Variants in NSD3 observed in about 807,000 individuals in gnomAD.
The protein encoded by NSD3 is histone-lysine N-methyltransferase NSD3.
A neutral mutation model predicts 160.8 loss-of-function variants in NSD3; 24 were observed. The ratio of observed to expected loss-of-function variants is 0.15; its 90% confidence interval spans 0.11 to 0.21. The LOEUF (loss-of-function observed/expected upper bound fraction) is 0.21, where lower values mean the gene tolerates loss of function less well. NSD3 is among the 10% of genes least tolerant of loss of function. NSD3 has a pLI of 1.00. For missense variants in NSD3, 1,157 were observed against 1,735.9 expected (o/e 0.67, Z 5.93); for synonymous variants, 520 against 600.0 (o/e 0.87, Z 1.95).
At chr8:38,342,096 TAC>T (rs1810385301) in intron 2 of NSD3, among the ~76,000 whole-genome samples, 1 of 152,204 alleles carries the variant, frequency 6.6e-6, no homozygotes, top group Non-Finnish European at 1.5e-5. Context: ...TAAAGTTTTT[TAC>T]ACAGTCATTT....
rs1809131905 is a variant in NSD3 at position 38,296,089 on chromosome 8, A to G, written c.2759-137T>C. The G allele has an allele frequency of 6.9e-6, 6 of 873,660 alleles. No individual in the cohort carries two copies. The East Asian group carries it at 1.6e-4, about 24-fold the overall frequency. 54.1% of individuals were successfully genotyped at this position (873,660 alleles called of 1,614,324 possible). On this transcript the variant is annotated intron_variant, in intron 15 of 23. Coordinates refer to ENST00000317025, the MANE Select transcript of NSD3 (RefSeq NM_023034.2). ...ATAACAAAGGGACTGAGTCATATCT[A>G]CAGTGATGGATTAAAATAGCAAGTG...
At chr8:38,328,579 T>A (rs998927464) in intron 6 of NSD3, among the ~76,000 whole-genome samples, 1 of 152,206 alleles carries the variant, frequency 6.6e-6, no homozygotes, top group Non-Finnish European at 1.5e-5. Context: ...CCTGTTTAAC[T>A]AATTAATCTG....
Position 38,348,204 on chromosome 8 carries a change from C to T in NSD3, c.-33G>A. 2 of 1,529,008 alleles carry T rather than the reference C, an allele frequency of 1.3e-6. No individual in the cohort carries two copies. The highest frequency in any genetic ancestry group is 1.3e-5 in the South Asian group (1 of 76,356). 94.7% of individuals were successfully genotyped at this position (1,529,008 alleles called of 1,614,324 possible). ...CTCCAGCATCCTTAACTTTCCCTTT[C>T]TCTCATCGGGCCTAAAATTATAAAA... On this transcript the variant is annotated 5_prime_UTR_variant, in exon 2 of 24. Coordinates refer to ENST00000317025, the MANE Select transcript of NSD3 (RefSeq NM_023034.2).
intron 2 of NSD3, among the ~76,000 whole-genome samples, chr8:38,345,119 CGT>C (rs1015004327): frequency 9.9e-5 from 15 of 152,062 alleles, no homozygotes; most frequent in Non-Finnish European, 1.9e-4. Flanking sequence ...CAACTGCCCC[CGT>C]GTGTGATACA....
chr8:38,337,580 G>C (rs1810253172), intron 3 of NSD3, 113 bp from the exon 4 acceptor site: 9 of 979,818 alleles, frequency 9.2e-6, no homozygotes, highest in Non-Finnish European at 1.1e-5. Flanking sequence ...TTTGATACAG[G>C]AAAGTGTCAA....
chr8:38,329,775 A>G lies in NSD3; in HGVS notation c.1184T>C (p.Ile395Thr). The G allele has an allele frequency of 6.2e-7, 1 of 1,614,196 alleles. No homozygotes were observed. The highest frequency in any genetic ancestry group is 1.1e-5 in the South Asian group (1 of 91,080). ...ERIEQYTFIY[I>T]DKQPEEALSQ... is the part of the protein sequence containing the mutation. ...TAAAGCCTCTTCAGGCTGTTTATCA[A>G]TGTAAATAAAAGTATACTGTTCTAT... Residue 395 changes from isoleucine to threonine, a missense_variant, in exon 6 of 24, where the codon ATT becomes ACT. By Grantham distance (89) the Ile-to-Thr change is moderately conservative. This residue lies in a region of NSD3 where 168 missense variants were observed against 208.1 expected (regional missense o/e 0.81). Coordinates refer to ENST00000317025, the MANE Select transcript of NSD3 (RefSeq NM_023034.2). This position sits in a 1 kb window ranked among gnomAD's most constrained non-coding sequence, Gnocchi z 4.8.
rs1419888809 is a variant in NSD3 at position 38,329,402 on chromosome 8, G to A, written c.1557C>T (p.Ile519=). The change falls in exon 6 of 24, where the codon ATC becomes ATT. Residue 519 remains isoleucine, a synonymous_variant. Coordinates refer to ENST00000317025, the MANE Select transcript of NSD3 (RefSeq NM_023034.2). This position sits in a 1 kb window ranked among gnomAD's most constrained non-coding sequence, Gnocchi z 4.8. ...CCTTTGTTGAATAAACAAATTGATC[G>A]ATAAATTTCCCATCCCCTGTAGCAT... ...LQNATGDGKF[I]DQFVYSTKGI... is the part of the protein sequence containing the mutation. The A allele has an allele frequency of 3.1e-6, 5 of 1,608,860 alleles. No individual in the cohort carries two copies. Among genetic ancestry groups the A allele is most frequent in the Admixed American group, 1.7e-5 (1 of 59,710 alleles).
chr8:38,317,182 G>A lies in NSD3; in HGVS notation c.1856-1140C>T. ...CATAGCCACGTTCTGTGGTGGAGGAGGTGGGCCTCGTTAGACTGCTCAGAT... is the reference window on the plus strand; with the variant it reads ...CATAGCCACGTTCTGTGGTGGAGGAAGTGGGCCTCGTTAGACTGCTCAGAT... On this transcript the variant is annotated intron_variant, in intron 9 of 23. Transcript: ENST00000317025. The surrounding 1 kb of genome is among the most constrained non-coding windows in gnomAD (Gnocchi z 5.3). 2.8e-6 allele frequency: 3 copies of A among 1,063,308 alleles called. No individual in the cohort carries two copies. Among genetic ancestry groups the A allele is most frequent in the Non-Finnish European group, 3.4e-6 (3 of 877,836 alleles). The allele number at this position is 1,063,308 out of a possible 1,614,324, so 65.9% of individuals were successfully genotyped here.
chr8:38,373,367 C>A (rs1160253711), intron 1 of NSD3, among the ~76,000 whole-genome samples: 1 of 152,060 alleles, frequency 6.6e-6, no homozygotes, highest in African/African-American at 2.4e-5. Flanking sequence ...GGATTACAGG[C>A]GTGTGCCACC....
chr8:38,308,248 A>C (rs146742472), intron 12 of NSD3, among the ~76,000 whole-genome samples: 1 of 152,218 alleles, frequency 6.6e-6, no homozygotes. Context: ...TGAGTAGTTG[A>C]AACTGTGATG....
intron 22 of NSD3, among the ~76,000 whole-genome samples, chr8:38,277,349 C>G (rs1808626700): frequency 6.6e-6 from 1 of 152,210 alleles, no homozygotes; most frequent in African/African-American, 2.4e-5. Context: ...GCGACCTTGG[C>G]TCACTGCAAC....
rs35184943 is a variant in NSD3, at chr8:38,350,973, C to CTT, written c.-44-2760_-44-2759dup. 7.9e-3 allele frequency among the ~76,000 whole-genome samples: 1,055 copies of CTT among 134,144 alleles called. 15 individuals are homozygous for CTT. The highest frequency in any genetic ancestry group is 0.023 in the African/African-American group (832 of 36,272). The allele number at this position is 134,144 out of a possible 152,430, so 88.0% of individuals were successfully genotyped here. A position where few individuals can be genotyped will look rare whatever the true frequency, so the allele number is the denominator to read the frequency against. On this transcript the variant is annotated intron_variant, in intron 1 of 23. Coordinates refer to ENST00000317025, the MANE Select transcript of NSD3 (RefSeq NM_023034.2). ...CAACAAACATTTCTTCTAGAAAGTTCTTTTTTTTTTTTTTTTGAGATGGAG... is the reference window on the plus strand; with the variant it reads ...CAACAAACATTTCTTCTAGAAAGTTCTTTTTTTTTTTTTTTTTTGAGATGGAG...
chr8:38,311,267 C>A lies in NSD3; in HGVS notation c.2242+3380G>T, dbSNP rs554746688. Among the ~76,000 whole-genome samples, 6 of 152,082 alleles carry A rather than the reference C, an allele frequency of 3.9e-5. No individual in the cohort carries two copies. In the South Asian group the frequency reaches 1.0e-3, roughly 26 times the overall value. On this transcript the variant is annotated intron_variant, in intron 12 of 23. Coordinates refer to ENST00000317025, the MANE Select transcript of NSD3 (RefSeq NM_023034.2). Reference sequence around the variant, plus strand: ...TTTTCATATGTATATTGACCATCTGCCTATCTTCTTTGGAGAACTATCTGC... The same window carrying A: ...TTTTCATATGTATATTGACCATCTGACTATCTTCTTTGGAGAACTATCTGC...
chr8:38,326,508 CCT>C (rs556214815), intron 7 of NSD3, among the ~76,000 whole-genome samples: 6 of 152,220 alleles, frequency 3.9e-5, no homozygotes, highest in Admixed American at 3.9e-4. Flanking sequence ...ATTATAGAAC[CCT>C]ATTATTTTAA....
Position 38,315,489 on chromosome 8 carries a change from G to A in NSD3, c.2042C>T (p.Ser681Phe), listed in dbSNP as rs1282546957. ...ACTTGAATCCATGGACTGCACATCAGAAACGTCTGCATCTGCAGTAGCTGA... is the reference window on the plus strand; with the variant it reads ...ACTTGAATCCATGGACTGCACATCAAAAACGTCTGCATCTGCAGTAGCTGA... The part of the protein sequence containing the change: ...SPSATADADV[S>F]DVQSMDSSLS... Residue 681 changes from serine (S) to phenylalanine (F), a missense_variant, in exon 11 of 24, where the codon TCT becomes TTT. Physicochemically the swap from Ser to Phe is radical, Grantham distance 155. Transcript: ENST00000317025. 1 of 1,613,116 alleles carries A rather than the reference G, an allele frequency of 6.2e-7. No individual in the cohort carries two copies. The highest frequency in any genetic ancestry group is 1.7e-5 in the Admixed American group (1 of 59,784).
At position 38,271,640 on chromosome 8, in the gene NSD3, TTTCCA is replaced by T. The variant is rs1175627171; in HGVS notation, c.*3996_*4000del. 1 of 152,260 alleles carries T rather than the reference TTTCCA, an allele frequency of 6.6e-6. No individual in the cohort carries two copies. Among genetic ancestry groups the T allele is most frequent in the Non-Finnish European group, 1.5e-5 (1 of 68,050 alleles). The allele number at this position is 152,260 out of a possible 1,614,324, so 9.4% of individuals were successfully genotyped here. A position where few individuals can be genotyped will look rare whatever the true frequency, so the allele number is the denominator to read the frequency against. ...GGTGGCCCTAGGCCAAAGGAAAGTG[TTTCCA>T]TTCATCAATTCATGTCTGCACCAAC... On this transcript the variant is annotated 3_prime_UTR_variant, in exon 24 of 24. Transcript: ENST00000317025.
chr8:38,295,687 G>T, intron 16 of NSD3, 109 bp downstream of exon 16: 5 of 938,342 alleles, frequency 5.3e-6, no homozygotes, highest in Non-Finnish European at 6.1e-6. Context: ...TTTTAAGGAA[G>T]TAGGTCCATG....
intron 23 of NSD3, 126 bp from the exon 24 acceptor site, chr8:38,276,008 A>G: frequency 1.1e-6 from 1 of 917,422 alleles, no homozygotes; most frequent in Non-Finnish European, 1.6e-6. Flanking sequence ...TACAACTCCA[A>G]ATTTCAACCA....
rs1810061564 is a variant in NSD3, at chr8:38,331,569, A to G, written c.927T>C (p.His309=). The G allele has an allele frequency of 1.2e-6, 2 of 1,612,666 alleles. No individual in the cohort carries two copies. Among genetic ancestry groups the G allele is most frequent in the Non-Finnish European group, 1.7e-6 (2 of 1,179,532 alleles). The change falls in exon 5 of 24, where the codon CAT becomes CAC. Residue 309 remains histidine (H), a synonymous_variant. Coordinates refer to ENST00000317025, the MANE Select transcript of NSD3 (RefSeq NM_023034.2). ...KINTRGAREY[H]VQFFSNQPER... ...CTGGCTGGTTGCTAAAAAACTGGAC[A>G]TGATATTCTCGGGCACCTGTAAGTA...
Sources: gnomAD v4.1 joint callset for allele counts (sites outside exome capture counted in the v4.1 genomes callset) on GRCh38, gnomAD v4.1.1 for gene constraint, gnomAD v4.1.1 regional missense constraint, Gnocchi (gnomAD v3.1) non-coding constraint, MANE v1.5 for transcripts, NCBI Gene and HGNC (gene_info 2026-07-23, HGNC 2026-07-21) for gene names.